Variants in CEP112 observed in about 807,000 individuals in gnomAD.
The protein encoded by CEP112 is centrosomal protein 112.
A neutral mutation model predicts 153.0 loss-of-function variants in CEP112; 127 were observed. The observed-to-expected ratio is 0.83, with a 90% CI of 0.72 to 0.96. CEP112 has a LOEUF of 0.96. Among genes scored for constraint, CEP112 ranks in the 40% least tolerant of loss-of-function variants. The probability of loss-of-function intolerance (pLI) is 0.00; values close to 1 mark genes in which losing one functional copy is unlikely to be tolerated. For synonymous variants in CEP112, 358 were observed against 374.4 expected, an observed-to-expected ratio of 0.96 and a Z score of 0.51; for missense variants, 1,089 against 1,101.2, an observed-to-expected ratio of 0.99 and a Z score of 0.16.
intron 6 of CEP112, among the ~76,000 whole-genome samples, chr17:66,121,651 T>A (rs1331184901): frequency 6.6e-6 from 1 of 152,110 alleles, no homozygotes; most frequent in Non-Finnish European, 1.5e-5. Context: ...ATGGTGAATT[T>A]TTCACTTCGG....
chr17:65,810,631 T>A (rs992501042), intron 21 of CEP112, among the ~76,000 whole-genome samples: 2 of 151,722 alleles, frequency 1.3e-5, no homozygotes, highest in African/African-American at 4.8e-5. Flanking sequence ...GATGTGGGGG[T>A]CAATTTGCTA....
At position 65,825,549 on chromosome 17, in the gene CEP112, G is replaced by T. The variant is rs559491110; in HGVS notation, c.2394+26255C>A. Among the ~76,000 whole-genome samples, 39 of 152,136 alleles carry T rather than the reference G, an allele frequency of 2.6e-4. No homozygotes were observed. In the East Asian group the frequency reaches 7.4e-3, roughly 29 times the overall value. ...CCAGGGGCTAGAGGGAGAGAAAATGGGAGTTACTGTTCAGTGGGCACAGGT... is the reference window on the plus strand; with the variant it reads ...CCAGGGGCTAGAGGGAGAGAAAATGTGAGTTACTGTTCAGTGGGCACAGGT... On this transcript the variant is annotated intron_variant, in intron 21 of 26. Transcript: ENST00000535342.
At chr17:65,676,723 G>A (rs1025793116) in intron 24 of CEP112, among the ~76,000 whole-genome samples, 1 of 152,152 alleles carries the variant, frequency 6.6e-6, no homozygotes, top group Non-Finnish European at 1.5e-5. Context: ...GCTTCATTCA[G>A]TTACCATGGC....
At chr17:65,827,366 T>C (rs2056883121) in intron 21 of CEP112, among the ~76,000 whole-genome samples, 2 of 152,212 alleles carry the variant, frequency 1.3e-5, no homozygotes, top group Non-Finnish European at 2.9e-5. Flanking sequence ...AGCTTATCTA[T>C]GGCTTACTTT....
rs886327732 is a variant in CEP112 at position 66,121,096 on chromosome 17, T to G, written c.642+8650A>C. ...GAGTTCGAGACCAGTCTGACCAACA[T>G]GGAGAAACCCCGTCTCTACTAAAAA... On this transcript the variant is annotated intron_variant, in intron 6 of 26. Transcript: ENST00000535342. 8.6e-5 allele frequency among the ~76,000 whole-genome samples: 13 copies of G among 152,032 alleles called. 1 individual carries two copies. Among genetic ancestry groups the G allele is most frequent in the Admixed American group, 6.5e-4 (10 of 15,268 alleles).
chr17:65,916,250 A>AGTGTGTGTGTGTGT lies in CEP112; in HGVS notation c.1980+11318_1980+11331dup, dbSNP rs3222034. Among the ~76,000 whole-genome samples the AGTGTGTGTGTGTGT allele has an allele frequency of 1.8e-3, 232 of 129,940 alleles. 1 individual carries two copies. Among genetic ancestry groups the AGTGTGTGTGTGTGT allele is most frequent in the Middle Eastern group, 7.6e-3 (2 of 264 alleles). The allele number at this position is 129,940 out of a possible 152,430, so 85.2% of individuals were successfully genotyped here. On this transcript the variant is annotated intron_variant, in intron 19 of 26. Coordinates refer to ENST00000535342, the MANE Select transcript of CEP112 (RefSeq NM_001199165.4). ...TACCTTAAATTATGTTTTGAAAAAG[A>AGTGTGTGTGTGTGT]GTGTGTGTGTGTGTGTGTGTGTGTG...
intron 2 of CEP112, among the ~76,000 whole-genome samples, chr17:66,180,711 G>A (rs2072685080): frequency 1.3e-5 from 2 of 152,218 alleles, no homozygotes; most frequent in South Asian, 2.1e-4. Context: ...ACACAGGATT[G>A]TTTTAGGTCT....
rs181668452 is a variant in CEP112 at position 66,080,539 on chromosome 17, T to C, written c.769-10538A>G. Among the ~76,000 whole-genome samples, 533 of 152,198 alleles carry C rather than the reference T, an allele frequency of 3.5e-3. 2 individuals are homozygous for C. Among genetic ancestry groups the C allele is most frequent in the African/African-American group, 0.012 (499 of 41,524 alleles). ...CAGATGCTGGGAGGATGTGGAGAAA[T>C]AGGGACACTTTTACGCTGTTGGTGG... On this transcript the variant is annotated intron_variant, in intron 8 of 26. Transcript: ENST00000535342.
intron 6 of CEP112, among the ~76,000 whole-genome samples, chr17:66,115,206 C>CA (rs1032449539): frequency 1.4e-3 from 198 of 146,494 alleles, no homozygotes; most frequent in African/African-American, 4.1e-3. Context: ...CTCAAACAAA[C>CA]AAAAAAAAAA....
chr17:65,715,358 A>G (rs915784505), intron 23 of CEP112, among the ~76,000 whole-genome samples: 26 of 152,200 alleles, frequency 1.7e-4, no homozygotes, highest in African/African-American at 5.8e-4. Flanking sequence ...GAGAAAGAAT[A>G]GAGAGAAAAA....
intron 4 of CEP112, among the ~76,000 whole-genome samples, chr17:66,145,716 A>C (rs2070890444): frequency 1.3e-5 from 2 of 152,128 alleles, no homozygotes; most frequent in Admixed American, 6.5e-5. Flanking sequence ...TGTCTTCATT[A>C]CTACAGCTTG....
In CEP112 at chr17:65,951,749, C is replaced by CCGCCCCG. The variant is rs1555728024; in HGVS notation, c.1872+9713_1872+9714insCGGGGCG. On this transcript the variant is annotated intron_variant, in intron 18 of 26. Transcript: ENST00000535342. ...TCTGCTCTAATCTTCCCCCGCCCCC[C>CCGCCCCG]CCTTTCTTCCACTTGCTTAGAAGCT... Among the ~76,000 whole-genome samples, 12 of 106,240 alleles carry CCGCCCCG rather than the reference C, an allele frequency of 1.1e-4. 1 individual carries two copies. The highest frequency in any genetic ancestry group is 1.6e-4 in the Non-Finnish European group (8 of 50,350). The allele number at this position is 106,240 out of a possible 152,430, so 69.7% of individuals were successfully genotyped here.
chr17:66,018,397 C>G (rs888619269), intron 16 of CEP112, among the ~76,000 whole-genome samples: 8 of 152,006 alleles, frequency 5.3e-5, no homozygotes, highest in Non-Finnish European at 8.8e-5. Flanking sequence ...ATATCAGAAA[C>G]TAGATATACT....
At chr17:65,847,855 G>T (rs2057783802) in intron 21 of CEP112, among the ~76,000 whole-genome samples, 1 of 152,202 alleles carries the variant, frequency 6.6e-6, no homozygotes, top group Non-Finnish European at 1.5e-5. Flanking sequence ...CAAGGAGGTT[G>T]GCCATTGAAA....
intron 8 of CEP112, among the ~76,000 whole-genome samples, chr17:66,086,336 T>C (rs2067927560): frequency 6.6e-6 from 1 of 150,496 alleles, no homozygotes; most frequent in Non-Finnish European, 1.5e-5. Flanking sequence ...CAATTAAATG[T>C]TGAATAAAAG....
intron 17 of CEP112, among the ~76,000 whole-genome samples, chr17:65,971,100 T>C (rs1225938710): frequency 9.9e-5 from 15 of 152,218 alleles, no homozygotes; most frequent in Non-Finnish European, 1.3e-4. Context: ...TATTACATGG[T>C]ACATTGCATG....
At chr17:65,679,511 G>A (rs1213040477) in intron 24 of CEP112, among the ~76,000 whole-genome samples, 1 of 152,136 alleles carries the variant, frequency 6.6e-6, no homozygotes, top group Non-Finnish European at 1.5e-5. Flanking sequence ...AGACTTCACT[G>A]CAGATGAGTT....
chr17:66,151,340 T>C (rs2071202247), intron 4 of CEP112, among the ~76,000 whole-genome samples: 1 of 152,202 alleles, frequency 6.6e-6, no homozygotes, highest in Non-Finnish European at 1.5e-5. Context: ...CACATCCTTC[T>C]AGCTATACCT....
Position 66,028,308 on chromosome 17 carries a change from C to A in CEP112, c.1596+5G>T. 6.5e-7 allele frequency: 1 copy of A among 1,535,732 alleles called. No individual in the cohort carries two copies. The highest frequency in any genetic ancestry group is 1.4e-5 in the African/African-American group (1 of 71,986). Reference sequence around the variant, plus strand: ...TGTTCTTCTGTGTAGAAATACAAGACTCACCCTTAGTTGTTGCTTTCTTTG... The same window carrying A: ...TGTTCTTCTGTGTAGAAATACAAGAATCACCCTTAGTTGTTGCTTTCTTTG... On this transcript the variant is annotated splice_donor_5th_base_variant and intron_variant, in intron 15 of 26. Coordinates refer to ENST00000535342, the MANE Select transcript of CEP112 (RefSeq NM_001199165.4).
Sources: gnomAD v4.1 joint callset for allele counts (sites outside exome capture counted in the v4.1 genomes callset) on GRCh38, gnomAD v4.1.1 for gene constraint, MANE v1.5 for transcripts, NCBI Gene and HGNC (gene_info 2026-07-23, HGNC 2026-07-21) for gene names.